Variants in GNA15 observed in about 807,000 individuals in gnomAD.
GNA15 encodes the protein guanine nucleotide-binding protein subunit alpha-15.
GNA15 carries 23 observed loss-of-function variants against 40.1 expected under a neutral mutation model. That is an observed-to-expected ratio of 0.57 (90% CI 0.41 to 0.81). The LOEUF is 0.81. GNA15 is among the 40% of genes least tolerant of loss of function. GNA15 has a pLI of 0.00. For missense variants in GNA15, 522 were observed against 515.8 expected (o/e 1.01, Z -0.12); for synonymous variants, 226 against 210.4 (o/e 1.07, Z -0.64).
chr19:3,141,058 G>A (rs1413526076), intron 1 of GNA15, among the ~76,000 whole-genome samples: 1 of 151,980 alleles, frequency 6.6e-6, no homozygotes, highest in East Asian at 1.9e-4. Context: ...TTTTTACCTG[G>A]AGGTGGCTGA....
intron 1 of GNA15, among the ~76,000 whole-genome samples, chr19:3,147,690 A>G (rs1334176365): frequency 6.6e-6 from 1 of 151,988 alleles, no homozygotes; most frequent in Non-Finnish European, 1.5e-5. Context: ...GTGGATCACG[A>G]GGTCAAGACC....
At chr19:3,158,447 C>T (rs751451383) in intron 6 of GNA15, among the ~76,000 whole-genome samples, 10 of 151,822 alleles carry the variant, frequency 6.6e-5, no homozygotes, top group Admixed American at 1.3e-4. Context: ...CCACCATGCC[C>T]GGCCAAACAT....
intron 6 of GNA15, among the ~76,000 whole-genome samples, chr19:3,162,202 G>A (rs1012844135): frequency 2.6e-5 from 4 of 151,572 alleles, no homozygotes; most frequent in Non-Finnish European, 5.9e-5. Context: ...GCTTTGGGGG[G>A]GTCAAGGCGG....
At chr19:3,138,797 A>AT (rs143429911) in intron 1 of GNA15, among the ~76,000 whole-genome samples, 12,177 of 140,894 alleles carry the variant, frequency 0.086, 650 homozygotes, top group Admixed American at 0.18. Context: ...CGCCCAGTTA[A>AT]TTTTTTTTTT....
At position 3,163,413 on chromosome 19, in the gene GNA15, G is replaced by A. The variant is rs925715533; in HGVS notation, c.*394G>A. On this transcript the variant is annotated 3_prime_UTR_variant, in exon 7 of 7. Transcript: ENST00000262958. Reference sequence around the variant, plus strand: ...CTGTGGGTGACGCACACCCTGGGATGGGGCTAGTAGAGCCTTCAGGCGCCT... The same window carrying A: ...CTGTGGGTGACGCACACCCTGGGATAGGGCTAGTAGAGCCTTCAGGCGCCT... 1 of 273,476 alleles carries A rather than the reference G, an allele frequency of 3.7e-6. No homozygotes were observed. The highest frequency in any genetic ancestry group is 2.2e-5 in the African/African-American group (1 of 45,194). The allele number at this position is 273,476 out of a possible 1,614,324, so 16.9% of individuals were successfully genotyped here.
intron 1 of GNA15, among the ~76,000 whole-genome samples, chr19:3,140,772 C>G (rs1339871437): frequency 4.0e-5 from 6 of 151,346 alleles, no homozygotes; most frequent in Admixed American, 2.6e-4. Context: ...ATGAATGAAT[C>G]ATTTTTGGGG....
intron 4 of GNA15, among the ~76,000 whole-genome samples, chr19:3,153,289 A>G (rs1323088406): frequency 6.6e-6 from 1 of 151,060 alleles, no homozygotes; most frequent in Non-Finnish European, 1.5e-5. Flanking sequence ...ATGGAAGGGA[A>G]TGGATGGGTG....
At chr19:3,154,098 GGATA>G (rs1914945472) in intron 4 of GNA15, among the ~76,000 whole-genome samples, 1 of 150,018 alleles carries the variant, frequency 6.7e-6, no homozygotes, top group South Asian at 2.1e-4. Flanking sequence ...ATGGATAGAC[GGATA>G]GATGGATGGA....
intron 5 of GNA15, among the ~76,000 whole-genome samples, chr19:3,156,624 G>A (rs1915036799): frequency 6.6e-6 from 1 of 151,386 alleles, no homozygotes; most frequent in African/African-American, 2.4e-5. Context: ...TCCGGAGTAG[G>A]TGGGATTACA....
chr19:3,136,285 A>T lies in GNA15; in HGVS notation c.-166A>T. 1.1e-5 allele frequency: 7 copies of T among 634,074 alleles called. No homozygotes were observed. The highest frequency in any genetic ancestry group is 1.6e-5 in the Non-Finnish European group (6 of 378,476). 39.3% of individuals were successfully genotyped at this position (634,074 alleles called of 1,614,324 possible). A position where few individuals can be genotyped will look rare whatever the true frequency, so the allele number is the denominator to read the frequency against. Reference sequence around the variant, plus strand: ...CCGAGCCGGGCTTCCTGGGTGTTTCAGGCAAGGAAGTCTAGGTCCCTGGGG... The same window carrying T: ...CCGAGCCGGGCTTCCTGGGTGTTTCTGGCAAGGAAGTCTAGGTCCCTGGGG... On this transcript the variant is annotated 5_prime_UTR_variant, in exon 1 of 7. Coordinates refer to ENST00000262958, the MANE Select transcript of GNA15 (RefSeq NM_002068.4). The surrounding 1 kb of genome is among the most constrained non-coding windows in gnomAD (Gnocchi z 4.9).
chr19:3,148,523 G>A lies in GNA15; in HGVS notation c.146-68G>A, dbSNP rs1173693063. ...TGGCGTGGAGTTGGGGGTGTCTGAC[G>A]TGGGGTTGGGGGTGTCGGGGGTGGG... On this transcript the variant is annotated intron_variant, in intron 1 of 6. Transcript: ENST00000262958. 4.8e-6 allele frequency: 7 copies of A among 1,443,776 alleles called. No homozygotes were observed. In the African/African-American group the frequency reaches 5.6e-5, roughly 12 times the overall value. 89.4% of individuals were successfully genotyped at this position (1,443,776 alleles called of 1,614,324 possible).
intron 1 of GNA15, among the ~76,000 whole-genome samples, chr19:3,147,316 G>T (rs1017508711): frequency 5.3e-5 from 8 of 151,894 alleles, no homozygotes; most frequent in Non-Finnish European, 1.0e-4. Flanking sequence ...ACTTTGGGAG[G>T]CCGAGGCAGA....
chr19:3,156,408 C>T (rs977796192), intron 5 of GNA15, among the ~76,000 whole-genome samples: 17 of 149,382 alleles, frequency 1.1e-4, no homozygotes, highest in Middle Eastern at 3.4e-3. Flanking sequence ...TGTACACATG[C>T]GCACACACAT....
Position 3,163,148 on chromosome 19 carries a change from G to A in GNA15, c.*129G>A, listed in dbSNP as rs1915180097. ...CACGCAAGGGAGTCGGGGGACGGAC[G>A]GCCCGCTGCTGGCCGCTCTCTTCTC... On this transcript the variant is annotated 3_prime_UTR_variant, in exon 7 of 7. Transcript: ENST00000262958. 2 of 651,554 alleles carry A rather than the reference G, an allele frequency of 3.1e-6. No homozygotes were observed. Among genetic ancestry groups the A allele is most frequent in the Admixed American group, 4.8e-5 (2 of 41,890 alleles). 40.4% of individuals were successfully genotyped at this position (651,554 alleles called of 1,614,324 possible).
chr19:3,144,763 C>A (rs758888599), intron 1 of GNA15, among the ~76,000 whole-genome samples: 3 of 151,234 alleles, frequency 2.0e-5, no homozygotes, highest in South Asian at 2.1e-4. Context: ...CTCCTGACCT[C>A]GTGATCCGCC....
Position 3,163,064 on chromosome 19 carries a change from G to A in GNA15, c.*45G>A. 1.6e-6 allele frequency: 2 copies of A among 1,280,220 alleles called. No individual in the cohort carries two copies. Among genetic ancestry groups the A allele is most frequent in the Non-Finnish European group, 2.3e-6 (2 of 879,452 alleles). The allele number at this position is 1,280,220 out of a possible 1,614,324, so 79.3% of individuals were successfully genotyped here. On this transcript the variant is annotated 3_prime_UTR_variant, in exon 7 of 7. Coordinates refer to ENST00000262958, the MANE Select transcript of GNA15 (RefSeq NM_002068.4). ...AGGCGGCACCGGCGGGCGGGTGGGAGGTGGGAGTGGCTGCAGGGACCCCTA... is the reference window on the plus strand; with the variant it reads ...AGGCGGCACCGGCGGGCGGGTGGGAAGTGGGAGTGGCTGCAGGGACCCCTA...
rs149985107 is a variant in GNA15, at chr19:3,162,082, C to T, written c.899-711C>T. On this transcript the variant is annotated intron_variant, in intron 6 of 6. Transcript: ENST00000262958. ...ATAATAATAATAAAATTGATAACAGCAGCTAACACATCTACCGCACTGGTG... is the reference window on the plus strand; with the variant it reads ...ATAATAATAATAAAATTGATAACAGTAGCTAACACATCTACCGCACTGGTG... Among the ~76,000 whole-genome samples the T allele has an allele frequency of 2.9e-3, 442 of 151,888 alleles. 3 individuals carry two copies. Among genetic ancestry groups the T allele is most frequent in the African/African-American group, 0.01 (430 of 41,440 alleles).
intron 2 of GNA15, chr19:3,149,918 G>A (rs1914836349): frequency 1.9e-6 from 1 of 519,914 alleles, no homozygotes; most frequent in Non-Finnish European, 3.4e-6. Context: ...AGCCCCTCAT[G>A]TGGTGGTCTG....
chr19:3,140,408 C>T lies in GNA15; in HGVS notation c.145+3813C>T, dbSNP rs543378411. Among the ~76,000 whole-genome samples the T allele has an allele frequency of 3.9e-5, 6 of 152,206 alleles. No homozygotes were observed. The South Asian group carries it at 1.2e-3, about 32-fold the overall frequency. ...AGCTAGGGGTTTATCACTTTTAGTG[C>T]TCTTTCCTCGAATACCTCAAGGTCA... On this transcript the variant is annotated intron_variant, in intron 1 of 6. Transcript: ENST00000262958.
Sources: allele counts gnomAD v4.1 joint callset (sites outside exome capture counted in the v4.1 genomes callset), GRCh38; gene constraint gnomAD v4.1.1; non-coding constraint Gnocchi (gnomAD v3.1); transcripts MANE v1.5; gene names NCBI Gene and HGNC (gene_info 2026-07-23, HGNC 2026-07-21).